The following ESR1 variants were observed in gnomAD, a reference collection of about 807,000 sequenced individuals.
The protein encoded by ESR1 is estrogen receptor 1.
Under a neutral mutation model 52.7 loss-of-function variants are expected in ESR1, and 12 were observed. That is an observed-to-expected ratio of 0.23 (90% CI 0.15 to 0.37). The LOEUF (loss-of-function observed/expected upper bound fraction) is 0.37, where lower values mean the gene tolerates loss of function less well. Ranked by LOEUF, ESR1 falls within the 10% of genes least tolerant of loss-of-function variation. ESR1 has a pLI of 1.00. For synonymous variants in ESR1, 305 were observed against 316.8 expected (o/e 0.96, Z 0.39); for missense variants, 584 against 779.7 (o/e 0.75, Z 2.99).
chr6:152,007,557 G>A (rs539126670), intron 4 of ESR1, among the ~76,000 whole-genome samples: 72 of 151,998 alleles, frequency 4.7e-4, no homozygotes, highest in Non-Finnish European at 7.9e-4. Context: ...CTATTACTGG[G>A]ACTTGTGAAT....
In ESR1 at chr6:152,100,972, G is replaced by A. The variant is rs1364256575; in HGVS notation, c.*2006G>A. The A allele has an allele frequency of 2.2e-5, 5 of 223,792 alleles. No homozygotes were observed. The East Asian group carries it at 3.2e-4, about 15-fold the overall frequency. 13.9% of individuals were successfully genotyped at this position (223,792 alleles called of 1,614,324 possible). ...CTTGTTTATCAGACAATTGAATGTAGTAATTCTGTTCTGGATTTAATTTGA... is the reference window on the plus strand; with the variant it reads ...CTTGTTTATCAGACAATTGAATGTAATAATTCTGTTCTGGATTTAATTTGA... On this transcript the variant is annotated 3_prime_UTR_variant, in exon 8 of 8. Coordinates refer to ENST00000206249, the MANE Select transcript of ESR1 (RefSeq NM_000125.4).
intron 1 of ESR1, among the ~76,000 whole-genome samples, chr6:151,697,563 A>G (rs1203736056): frequency 6.6e-6 from 1 of 152,264 alleles, no homozygotes; most frequent in East Asian, 1.9e-4. Context: ...TTTTCTTTGG[A>G]CAAGATATAG....
Position 151,958,973 on chromosome 6 carries a change from C to CGTGTGTGT in ESR1, c.1096+14479_1096+14486dup, listed in dbSNP as rs58501088. Among the ~76,000 whole-genome samples the CGTGTGTGT allele has an allele frequency of 7.8e-4, 116 of 148,846 alleles. 1 individual carries two copies. The highest frequency in any genetic ancestry group is 1.9e-3 in the Admixed American group (29 of 14,996). On this transcript the variant is annotated intron_variant, in intron 4 of 7. Coordinates refer to ENST00000206249, the MANE Select transcript of ESR1 (RefSeq NM_000125.4). ...CTTCCATTGGAAGAGAAAAAGTTTC[C>CGTGTGTGT]GTGTGTGTGTGTGTGTGTGTGCGTG... is the stretch of plus-strand genomic sequence containing the variant.
chr6:151,665,837 G>A (rs529658473), intron 1 of ESR1, among the ~76,000 whole-genome samples: 1 of 151,992 alleles, frequency 6.6e-6, no homozygotes, highest in Non-Finnish European at 1.5e-5. Flanking sequence ...TTATTACCTC[G>A]AAGAGACAGA....
At chr6:151,674,338 A>G (rs879766838) in intron 1 of ESR1, among the ~76,000 whole-genome samples, 1 of 152,124 alleles carries the variant, frequency 6.6e-6, no homozygotes, top group Non-Finnish European at 1.5e-5. Flanking sequence ...AGCTTCATTC[A>G]TGTCCCTGCA....
chr6:151,693,149 C>T (rs1285091753), intron 1 of ESR1, among the ~76,000 whole-genome samples: 1 of 152,204 alleles, frequency 6.6e-6, no homozygotes, highest in Non-Finnish European at 1.5e-5. Flanking sequence ...TTAAGCCACT[C>T]ATTAAACTCC....
intron 6 of ESR1, among the ~76,000 whole-genome samples, chr6:152,124,705 T>C (rs2052729692): frequency 6.6e-6 from 1 of 151,784 alleles, no homozygotes; most frequent in Non-Finnish European, 1.5e-5. Context: ...AAAAAAAAAG[T>C]ATATTTTGTG....
At chr6:152,089,392 G>T (rs887252654) in intron 6 of ESR1, among the ~76,000 whole-genome samples, 5 of 152,134 alleles carry the variant, frequency 3.3e-5, no homozygotes, top group Admixed American at 2.0e-4. Flanking sequence ...CTGTTCAACT[G>T]CACTGAAATC....
At chr6:152,074,619 C>T (rs2048587303) in intron 6 of ESR1, among the ~76,000 whole-genome samples, 1 of 152,146 alleles carries the variant, frequency 6.6e-6, no homozygotes, top group South Asian at 2.1e-4. Flanking sequence ...CTCAGGAGCA[C>T]AATTGCTGGA....
At chr6:151,703,681 A>T (rs559971566) in intron 2 of ESR1, among the ~76,000 whole-genome samples, 2 of 152,310 alleles carry the variant, frequency 1.3e-5, no homozygotes, top group East Asian at 3.9e-4. Context: ...CGAGTCTTCC[A>T]TCTGGCTGAG....
intron 1 of ESR1, among the ~76,000 whole-genome samples, chr6:151,677,098 G>A (rs886516280): frequency 6.6e-6 from 1 of 152,166 alleles, no homozygotes; most frequent in African/African-American, 2.4e-5. Flanking sequence ...GGATCCTCCT[G>A]CCTCAGCCTC....
chr6:151,883,263 G>A (rs1793259358), intron 3 of ESR1, among the ~76,000 whole-genome samples: 1 of 150,772 alleles, frequency 6.6e-6, no homozygotes, highest in Non-Finnish European at 1.5e-5. Context: ...GGGACTACAG[G>A]TGTGTGCCAC....
intron 2 of ESR1, among the ~76,000 whole-genome samples, chr6:151,734,663 C>T (rs1364125808): frequency 1.3e-5 from 2 of 152,030 alleles, no homozygotes; most frequent in African/African-American, 4.8e-5. Flanking sequence ...CTCTCTGTCA[C>T]CCAGGCTGGA....
chr6:151,878,520 A>G (rs1185708504), intron 2 of ESR1, among the ~76,000 whole-genome samples: 1 of 152,188 alleles, frequency 6.6e-6, no homozygotes, highest in Admixed American at 6.5e-5. Flanking sequence ...ATTTCTTGTC[A>G]AGTCCTCACT....
At chr6:151,768,456 G>A (rs990194008) in intron 2 of ESR1, among the ~76,000 whole-genome samples, 31 of 152,186 alleles carry the variant, frequency 2.0e-4, no homozygotes, top group African/African-American at 7.2e-4. Context: ...CTCAATGCAA[G>A]TATAATCCTG....
intron 7 of ESR1, among the ~76,000 whole-genome samples, chr6:152,095,621 G>A (rs1327605526): frequency 6.6e-6 from 1 of 152,196 alleles, no homozygotes; most frequent in East Asian, 1.9e-4. Flanking sequence ...AAGCAAGCAT[G>A]TGGGGTGTCC....
intron 2 of ESR1, among the ~76,000 whole-genome samples, chr6:151,765,629 A>G (rs1294645511): frequency 6.6e-6 from 1 of 152,122 alleles, no homozygotes; most frequent in Non-Finnish European, 1.5e-5. Flanking sequence ...GACCCTGTAG[A>G]TGGCAGCACT....
At chr6:151,834,893 G>A (rs998483198) in intron 1 of ESR1, among the ~76,000 whole-genome samples, 10 of 152,040 alleles carry the variant, frequency 6.6e-5, no homozygotes, top group African/African-American at 2.4e-4. Context: ...GGGTGAGGGT[G>A]CAGGGGGTCA....
intron 6 of ESR1, among the ~76,000 whole-genome samples, chr6:152,062,119 C>T (rs2047592704): frequency 6.6e-6 from 1 of 152,172 alleles, no homozygotes; most frequent in Admixed American, 6.5e-5. Flanking sequence ...TTGTATTGAT[C>T]ACATACATAG....
Sources: allele counts gnomAD v4.1 joint callset (sites outside exome capture counted in the v4.1 genomes callset), GRCh38; gene constraint gnomAD v4.1.1; transcripts MANE v1.5; gene names NCBI Gene and HGNC (gene_info 2026-07-23, HGNC 2026-07-21).